The following ZNF536 variants were observed in gnomAD, a reference collection of about 807,000 sequenced individuals.
ZNF536 encodes zinc finger protein 536.
A neutral mutation model predicts 84.5 loss-of-function variants in ZNF536; 13 were observed. The ratio of observed to expected loss-of-function variants is 0.15; its 90% CI spans 0.10 to 0.24. ZNF536 has a LOEUF of 0.24. ZNF536 is among the 10% of genes least tolerant of loss of function. ZNF536 has a pLI of 1.00. For synonymous variants in ZNF536, 811 were observed against 742.5 expected, an observed-to-expected ratio of 1.09 and a Z score of -1.50; for missense variants, 1,536 against 1,747.5, an observed-to-expected ratio of 0.88 and a Z score of 2.16.
At chr19:30,528,540 T>A (rs1487170287) in intron 2 of ZNF536, among the ~76,000 whole-genome samples, 1 of 152,196 alleles carries the variant, frequency 6.6e-6, no homozygotes, top group Non-Finnish European at 1.5e-5. Context: ...AACATCTCTA[T>A]GGCTTAATAT....
rs2047558103 is a variant in ZNF536, at chr19:30,341,301, T to C, written c.-119-11067T>C. Among the ~76,000 whole-genome samples the C allele has an allele frequency of 5.3e-5, 8 of 152,364 alleles. 1 individual carries two copies. In the South Asian group the frequency reaches 1.7e-3, roughly 32 times the overall value. ...ATAGTTTGTTGAGATTGCAGTGATGTTGGGAACCGTGAAGTAACTTATGAG... is the reference window on the plus strand; with the variant it reads ...ATAGTTTGTTGAGATTGCAGTGATGCTGGGAACCGTGAAGTAACTTATGAG... On this transcript the variant is annotated intron_variant, in intron 2 of 5. Coordinates refer to the ZNF536 transcript ENST00000585628.
intron 1 of ZNF536, among the ~76,000 whole-genome samples, chr19:30,691,266 C>T (rs1448046877): frequency 6.6e-6 from 1 of 152,082 alleles, no homozygotes; most frequent in African/African-American, 2.4e-5. Flanking sequence ...CCCACATGCA[C>T]ATGAAAAAAG....
At chr19:30,322,671 T>G (rs1056818249) in intron 2 of ZNF536, among the ~76,000 whole-genome samples, 3 of 152,220 alleles carry the variant, frequency 2.0e-5, no homozygotes, top group African/African-American at 7.2e-5. Context: ...AAACAATGCA[T>G]GTTTTGGAGC....
At chr19:30,308,325 C>A (rs1039861363) in intron 2 of ZNF536, among the ~76,000 whole-genome samples, 1 of 152,020 alleles carries the variant, frequency 6.6e-6, no homozygotes, top group Admixed American at 6.6e-5. Context: ...GGGGACTTGG[C>A]GCTTTCTCCA....
chr19:30,625,511 T>C (rs1020581236), intron 1 of ZNF536, among the ~76,000 whole-genome samples: 6 of 152,274 alleles, frequency 3.9e-5, no homozygotes, highest in East Asian at 1.9e-4. Context: ...TTGATATTAT[T>C]TGAATTATTT....
At chr19:30,525,088 G>A (rs1243689917) in intron 2 of ZNF536, among the ~76,000 whole-genome samples, 1 of 152,164 alleles carries the variant, frequency 6.6e-6, no homozygotes, top group Non-Finnish European at 1.5e-5. Flanking sequence ...AATGAAATGG[G>A]GAAAGGGGCC....
At chr19:30,604,140 G>A (rs1244092860) in intron 1 of ZNF536, among the ~76,000 whole-genome samples, 2 of 152,208 alleles carry the variant, frequency 1.3e-5, no homozygotes, top group African/African-American at 4.8e-5. Flanking sequence ...GCTCATCACA[G>A]TGTGGTATGC....
intron 2 of ZNF536, among the ~76,000 whole-genome samples, chr19:30,348,814 C>CTTT (rs5827705): frequency 3.3e-4 from 44 of 132,678 alleles, no homozygotes; most frequent in South Asian, 7.2e-4. Context: ...TTTTTCTTTT[C>CTTT]TTTTTTTTTT....
intron 4 of ZNF536, chr19:30,554,314 A>G (rs1177719198): frequency 7.7e-6 from 1 of 130,464 alleles, no homozygotes; most frequent in African/African-American, 3.0e-5. Context: ...GCTGGAGTGC[A>G]GTGTGCGATC....
intron 1 of ZNF536, among the ~76,000 whole-genome samples, chr19:30,272,201 T>TA (rs2025892130): frequency 6.6e-6 from 1 of 152,196 alleles, no homozygotes; most frequent in East Asian, 1.9e-4. Flanking sequence ...TTTTTTTCTT[T>TA]GTAAATTAAT....
At chr19:30,524,659 T>C (rs2044501448) in intron 2 of ZNF536, among the ~76,000 whole-genome samples, 1 of 152,188 alleles carries the variant, frequency 6.6e-6, no homozygotes, top group Non-Finnish European at 1.5e-5. Context: ...CTGGTGTCAT[T>C]TAGGTAAGAA....
In ZNF536 at chr19:30,548,738, A is replaced by G. The variant is rs2146215282; in HGVS notation, c.3119A>G (p.Asn1040Ser). ...GATAACACCATCGGGGTCACAGTCA[A>G]CTGCAAAGACCAAGCCCGGGAGGCG... ...RKDNTIGVTV[N>S]CKDQAREASK... The change falls in exon 4 of 5, where the codon AAC becomes AGC. Residue 1040 changes from asparagine (N) to serine (S), a missense_variant. Physicochemically the swap from Asn to Ser is conservative, Grantham distance 46 (BLOSUM62 1). Coordinates refer to ENST00000355537, the MANE Select transcript of ZNF536 (RefSeq NM_014717.3). 6.2e-7 allele frequency: 1 copy of G among 1,613,956 alleles called. No homozygotes were observed. The highest frequency in any genetic ancestry group is 2.2e-5 in the East Asian group (1 of 44,864).
At chr19:30,535,058 G>A (rs2145942548) in intron 3 of ZNF536, 59 bp downstream of exon 3, 1 of 1,538,778 alleles carries the variant, frequency 6.5e-7, no homozygotes, top group Non-Finnish European at 8.8e-7. Flanking sequence ...TCCCCGTCCT[G>A]CCTGCTTTCT....
chr19:30,533,149 G>A (rs994180802), intron 2 of ZNF536, among the ~76,000 whole-genome samples: 4 of 152,188 alleles, frequency 2.6e-5, no homozygotes, highest in African/African-American at 4.8e-5. Context: ...TGATATGGTC[G>A]TACACAGTCC....
chr19:30,381,200 G>T (rs978220789), intron 1 of ZNF536, among the ~76,000 whole-genome samples: 1 of 152,126 alleles, frequency 6.6e-6, no homozygotes, highest in Non-Finnish European at 1.5e-5. Flanking sequence ...CTAATAATCA[G>T]CACAAACCAT....
At chr19:30,642,918 T>C (rs1003753549) in intron 1 of ZNF536, among the ~76,000 whole-genome samples, 1 of 152,176 alleles carries the variant, frequency 6.6e-6, no homozygotes, top group African/African-American at 2.4e-5. Flanking sequence ...GAGGTGTCTG[T>C]CTAACAATGG....
chr19:30,583,276 G>A (rs2046986737), intron 1 of ZNF536, among the ~76,000 whole-genome samples: 1 of 152,224 alleles, frequency 6.6e-6, no homozygotes, highest in African/African-American at 2.4e-5. Flanking sequence ...GCAGAACAGG[G>A]CCATGCTGTG....
chr19:30,631,378 C>T (rs954298839), intron 1 of ZNF536, among the ~76,000 whole-genome samples: 2 of 152,210 alleles, frequency 1.3e-5, no homozygotes, highest in Admixed American at 1.3e-4. Context: ...AGCCGAGATC[C>T]TGCAGGCCGA....
rs532166680 is a variant in ZNF536, at chr19:30,581,900, C to CTCCA, written c.169+32387_169+32390dup. Among the ~76,000 whole-genome samples, 30 of 152,254 alleles carry CTCCA rather than the reference C, an allele frequency of 2.0e-4. 1 individual carries two copies. In the South Asian group the frequency reaches 5.6e-3, roughly 28 times the overall value. The stretch of plus-strand genomic sequence containing the variant: ...AGTAAGCTGAGATCGTGCCACTGCA[C>CTCCA]TCCAGCCTGGTGACAGAGCCAGAGC... On this transcript the variant is annotated intron_variant, in intron 1 of 1. Transcript: ENST00000592773.
Sources: allele counts gnomAD v4.1 joint callset (sites outside exome capture counted in the v4.1 genomes callset), GRCh38; gene constraint gnomAD v4.1.1; transcripts MANE v1.5; gene names NCBI Gene and HGNC (gene_info 2026-07-23, HGNC 2026-07-21).